Variants in CST7 observed in about 807,000 individuals in gnomAD.
The protein encoded by CST7 is cystatin-F.
In CST7, 15 loss-of-function variants were observed where a neutral mutation model predicts 13.1. The ratio of observed to expected loss-of-function variants is 1.14; its 90% CI spans 0.77 to 1.76. CST7 has a LOEUF of 1.76. Among genes scored for constraint, CST7 ranks in the 40% most tolerant of loss-of-function variants. CST7 has a pLI of 0.00. For missense variants in CST7, 193 were observed against 178.8 expected, an observed-to-expected ratio of 1.08 and a Z score of -0.45; for synonymous variants, 75 against 66.9, an observed-to-expected ratio of 1.12 and a Z score of -0.59.
At position 24,958,938 on chromosome 20, in the gene CST7, G is replaced by T. The variant is rs746114061; in HGVS notation, c.254G>T (p.Gly85Val). The T allele has an allele frequency of 6.2e-7, 1 of 1,613,452 alleles. No individual in the cohort carries two copies. The highest frequency in any genetic ancestry group is 2.2e-5 in the East Asian group (1 of 44,872). The change falls in exon 3 of 4, where the codon GGC (glycine) becomes GTC (valine). Residue 85 changes from glycine to valine, a missense_variant. Physicochemically the swap from Gly to Val is moderately radical, Grantham distance 109. Coordinates refer to ENST00000480798, the MANE Select transcript of CST7 (RefSeq NM_003650.4). Reference protein sequence around the residue: ...ITRALVQIVKGLKYMLEVEIG... With the variant: ...ITRALVQIVKVLKYMLEVEIG... ...CTTTGCTCCCTCCAGATAGTGAAAG[G>T]CCTGAAATATATGCTGGAGGTGGAA...
At chr20:24,958,289 C>A (rs1412517006) in intron 2 of CST7, among the ~76,000 whole-genome samples, 1 of 152,240 alleles carries the variant, frequency 6.6e-6, no homozygotes, top group East Asian at 1.9e-4. Flanking sequence ...CTGGGTGATG[C>A]AGGCCCTCCC....
rs113232323 is a variant in CST7, at chr20:24,950,138, CAA to C, written c.70+564_70+565del. On this transcript the variant is annotated intron_variant, in intron 1 of 3. Transcript: ENST00000480798. ...ACACAGCCAGGCTAGGTGATTTGCCCAAGTCACACAGCCAGGGACAACCTGCT... is the reference window on the plus strand; with the variant it reads ...ACACAGCCAGGCTAGGTGATTTGCCCGTCACACAGCCAGGGACAACCTGCT... Among the ~76,000 whole-genome samples the C allele has an allele frequency of 6.1e-3, 929 of 152,280 alleles. 15 individuals are homozygous for C. The highest frequency in any genetic ancestry group is 0.022 in the African/African-American group (905 of 41,566).
At position 24,949,447 on chromosome 20, in the gene CST7, C is replaced by G; in HGVS notation, c.-59C>G. 6.2e-7 allele frequency: 1 copy of G among 1,613,528 alleles called. No homozygotes were observed. On this transcript the variant is annotated 5_prime_UTR_variant, in exon 1 of 4. Coordinates refer to ENST00000480798, the MANE Select transcript of CST7 (RefSeq NM_003650.4). Reference sequence around the variant, plus strand: ...ACTGCCTCCAACTGCCCCATGCTGCCTGAGAAGGCACTGCACGGCCACCCC... The same window carrying G: ...ACTGCCTCCAACTGCCCCATGCTGCGTGAGAAGGCACTGCACGGCCACCCC...
At chr20:24,951,223 C>G (rs2087816722) in intron 1 of CST7, among the ~76,000 whole-genome samples, 2 of 152,208 alleles carry the variant, frequency 1.3e-5, no homozygotes, top group South Asian at 4.1e-4. Context: ...GGGCCCTCAG[C>G]CTCAGTCCTA....
chr20:24,955,116 CGT>C (rs2087845272), intron 1 of CST7, among the ~76,000 whole-genome samples: 1 of 152,050 alleles, frequency 6.6e-6, no homozygotes, highest in Non-Finnish European at 1.5e-5. Flanking sequence ...CTTCCATACA[CGT>C]GTCTCTTTCT....
intron 1 of CST7, among the ~76,000 whole-genome samples, chr20:24,951,117 G>T (rs183280476): frequency 3.9e-5 from 6 of 152,296 alleles, no homozygotes; most frequent in Non-Finnish European, 7.3e-5. Context: ...GGTATGTAAT[G>T]CTGCACCAAG....
At chr20:24,959,160 T>C in intron 3 of CST7, 116 bp downstream of exon 3, 1 of 827,834 alleles carries the variant, frequency 1.2e-6, no homozygotes, top group Non-Finnish European at 2.0e-6. Context: ...ACCTCACCCC[T>C]GAGGAAGCCA....
At position 24,957,447 on chromosome 20, in the gene CST7, G is replaced by C. The variant is rs1015436990; in HGVS notation, c.231G>C (p.Arg77Ser). The change falls in exon 2 of 4, where the codon AGG (arginine) becomes AGC (serine). Residue 77 changes from arginine to serine, a missense_variant. Arg to Ser is a moderately radical substitution (Grantham distance 110). Transcript: ENST00000480798. ...TGTTCAAGGAGTCCCGCATCACAAGGGCCCTAGTTCAGGTAACGGTCTGGG... is the reference window on the plus strand; with the variant it reads ...TGTTCAAGGAGTCCCGCATCACAAGCGCCCTAGTTCAGGTAACGGTCTGGG... Reference protein sequence around the residue: ...MFLFKESRITRALVQIVKGLK... With the variant: ...MFLFKESRITSALVQIVKGLK... The C allele has an allele frequency of 3.1e-6, 5 of 1,613,564 alleles. No homozygotes were observed. The highest frequency in any genetic ancestry group is 3.4e-6 in the Non-Finnish European group (4 of 1,179,686).
chr20:24,949,304 C>G lies in CST7; in HGVS notation c.-202C>G. 1 of 1,477,782 alleles carries G rather than the reference C, an allele frequency of 6.8e-7. No homozygotes were observed. 91.5% of individuals were successfully genotyped at this position (1,477,782 alleles called of 1,614,324 possible). On this transcript the variant is annotated 5_prime_UTR_variant, in exon 1 of 4. Coordinates refer to ENST00000480798, the MANE Select transcript of CST7 (RefSeq NM_003650.4). The stretch of plus-strand genomic sequence containing the variant: ...GCTGCCCAAGAAGGCTCAGCACAGG[C>G]ACAAACCATTGCCCGGCACTGGCCC...
chr20:24,957,498 C>G, intron 2 of CST7, 39 bp downstream of exon 2: 1 of 1,595,452 alleles, frequency 6.3e-7, no homozygotes, highest in Non-Finnish European at 8.6e-7. Flanking sequence ...ACGGACACCC[C>G]TAGGAAGCCG....
At chr20:24,959,103 AG>A in intron 3 of CST7, 59 bp downstream of exon 3, 1 of 1,346,480 alleles carries the variant, frequency 7.4e-7, no homozygotes, top group Non-Finnish European at 1.1e-6. Flanking sequence ...ACTCCCTCCC[AG>A]GACTGTGAAA....
chr20:24,958,019 A>G (rs1288529596), intron 2 of CST7, among the ~76,000 whole-genome samples: 2 of 152,042 alleles, frequency 1.3e-5, no homozygotes, highest in East Asian at 3.9e-4. Context: ...GAGAACACCC[A>G]CTTGCTAATG....
At chr20:24,952,930 C>T (rs2087829126) in intron 1 of CST7, among the ~76,000 whole-genome samples, 1 of 150,704 alleles carries the variant, frequency 6.6e-6, no homozygotes, top group African/African-American at 2.4e-5. Flanking sequence ...TGGGAAGGGT[C>T]TGCCTGGTGC....
chr20:24,959,507 G>A, intron 3 of CST7, 128 bp from the exon 4 acceptor site: 1 of 788,788 alleles, frequency 1.3e-6, no homozygotes, highest in African/African-American at 1.7e-5. Flanking sequence ...TTTTCTGTAG[G>A]TTTGAAATTT....
chr20:24,953,961 G>A (rs1046336825), intron 1 of CST7, among the ~76,000 whole-genome samples: 5 of 152,018 alleles, frequency 3.3e-5, no homozygotes, highest in Admixed American at 6.5e-5. Flanking sequence ...TTCCCAGCAC[G>A]TAGCTCCCTC....
chr20:24,951,072 G>A (rs1012204640), intron 1 of CST7, among the ~76,000 whole-genome samples: 10 of 152,160 alleles, frequency 6.6e-5, no homozygotes, highest in East Asian at 3.9e-4. Flanking sequence ...AGCTGGCAAC[G>A]TCATTTTCCT....
chr20:24,957,264 G>C (rs753322652), intron 1 of CST7, 23 bp from the exon 2 acceptor site: 2 of 1,607,594 alleles, frequency 1.2e-6, no homozygotes, highest in South Asian at 2.2e-5. Flanking sequence ...CAGTGTTCTT[G>C]TCTGGCTCTT....
chr20:24,951,004 A>C (rs756967798), intron 1 of CST7, among the ~76,000 whole-genome samples: 1 of 152,210 alleles, frequency 6.6e-6, no homozygotes, highest in Non-Finnish European at 1.5e-5. Flanking sequence ...AGCTCTGCTC[A>C]TCTCACGGAG....
intron 1 of CST7, among the ~76,000 whole-genome samples, chr20:24,955,077 A>C (rs2087844814): frequency 6.6e-6 from 1 of 151,936 alleles, no homozygotes; most frequent in African/African-American, 2.4e-5. Context: ...CTAATCTGAC[A>C]GCAAAAATAC....
Sources: allele counts gnomAD v4.1 joint callset (sites outside exome capture counted in the v4.1 genomes callset), GRCh38; gene constraint gnomAD v4.1.1; transcripts MANE v1.5; gene names NCBI Gene and HGNC (gene_info 2026-07-23, HGNC 2026-07-21).